KLRD1: variants seen among roughly 807,000 people sequenced by gnomAD.
KLRD1 encodes the protein natural killer cells antigen CD94.
KLRD1 carries 21 observed loss-of-function variants against 22.6 expected under a neutral mutation model. The ratio of observed to expected loss-of-function variants is 0.93; its 90% confidence interval spans 0.66 to 1.34. The LOEUF is 1.34. KLRD1 is among the 40% of genes most tolerant of loss of function. The pLI, the probability that KLRD1 is intolerant of heterozygous loss-of-function variation, is 0.00. For missense variants in KLRD1, 183 were observed against 208.6 expected (o/e 0.88, Z 0.76); for synonymous variants, 59 against 71.1 (o/e 0.83, Z 0.85).
intron 1 of KLRD1, among the ~76,000 whole-genome samples, chr12:10,282,449 G>T (rs919889780): frequency 1.4e-4 from 21 of 151,856 alleles, no homozygotes; most frequent in African/African-American, 4.1e-4. Flanking sequence ...TAGAGATGGG[G>T]TTTCTCCATG....
chr12:10,296,298 C>A (rs1949820665), intron 1 of KLRD1, among the ~76,000 whole-genome samples: 1 of 152,146 alleles, frequency 6.6e-6, no homozygotes, highest in East Asian at 1.9e-4. Flanking sequence ...GGGTGGATCA[C>A]GAGGTCTGGA....
rs186855071 is a variant in KLRD1 at position 10,316,458 on chromosome 12, A to C, written c.*1665A>C. On this transcript the variant is annotated 3_prime_UTR_variant, in exon 6 of 6. Transcript: ENST00000336164. ...ATTCCCATTGCCCAGGCTGTAGTGCAATGATGCAATCATGGTTCACTGCAG... is the reference window on the plus strand; with the variant it reads ...ATTCCCATTGCCCAGGCTGTAGTGCCATGATGCAATCATGGTTCACTGCAG... 3.9e-5 allele frequency: 6 copies of C among 152,120 alleles called. No homozygotes were observed. The East Asian group carries it at 1.2e-3, about 29-fold the overall frequency. The allele number at this position is 152,120 out of a possible 1,614,324, so 9.4% of individuals were successfully genotyped here. A position where few individuals can be genotyped will look rare whatever the true frequency, so the allele number is the denominator to read the frequency against.
intron 1 of KLRD1, among the ~76,000 whole-genome samples, chr12:10,251,516 G>T (rs555324024): frequency 6.6e-6 from 1 of 152,228 alleles, no homozygotes; most frequent in South Asian, 2.1e-4. Context: ...TTTCATGAAA[G>T]ATAATTTTTC....
At chr12:10,265,877 T>C (rs1465152596) in intron 1 of KLRD1, among the ~76,000 whole-genome samples, 1 of 152,248 alleles carries the variant, frequency 6.6e-6, no homozygotes, top group Non-Finnish European at 1.5e-5. Flanking sequence ...CTTTTTCAAT[T>C]ATTTTCTCCT....
chr12:10,271,886 C>G (rs956327027), intron 1 of KLRD1, among the ~76,000 whole-genome samples: 2 of 151,686 alleles, frequency 1.3e-5, no homozygotes, highest in African/African-American at 4.9e-5. Context: ...AGTTCCTTAT[C>G]TATAATATAC....
chr12:10,247,094 G>C (rs1392987005), intron 1 of KLRD1, among the ~76,000 whole-genome samples: 1 of 151,782 alleles, frequency 6.6e-6, no homozygotes, highest in Non-Finnish European at 1.5e-5. Context: ...TGCCACGCCT[G>C]GCTAATTTTT....
chr12:10,276,318 TG>T (rs1565456464), intron 1 of KLRD1, among the ~76,000 whole-genome samples: 2 of 152,160 alleles, frequency 1.3e-5, no homozygotes. Flanking sequence ...TTTGTTTGTT[TG>T]GATATTTAGT....
intron 1 of KLRD1, among the ~76,000 whole-genome samples, chr12:10,247,903 C>A (rs796305571): frequency 2.0e-5 from 3 of 152,328 alleles, no homozygotes; most frequent in African/African-American, 4.8e-5. Flanking sequence ...GTCAATTAAA[C>A]CTCTTTCCTT....
chr12:10,310,823 CT>C (rs1471925223), intron 3 of KLRD1, among the ~76,000 whole-genome samples: 43 of 152,172 alleles, frequency 2.8e-4, no homozygotes. Context: ...AGTGCAACAT[CT>C]TCAGCACTAC....
rs11374003 is a variant in KLRD1, at chr12:10,318,845, C to CAAAA, written c.*4070_*4073dup. 9 of 45,846 alleles carry CAAAA rather than the reference C, an allele frequency of 2.0e-4. No homozygotes were observed. Among genetic ancestry groups the CAAAA allele is most frequent in the African/African-American group, 4.2e-4 (6 of 14,272 alleles). The allele number at this position is 45,846 out of a possible 1,614,324, so 2.8% of individuals were successfully genotyped here. A position where few individuals can be genotyped will look rare whatever the true frequency, so the allele number is the denominator to read the frequency against. On this transcript the variant is annotated 3_prime_UTR_variant, in exon 6 of 6. Transcript: ENST00000336164. ...TGGGTGACAGAGGAGACTCCGTCTC[C>CAAAA]AAAAAAAAAAAAAAAAAAAAAGCTT...
At chr12:10,271,548 A>G (rs1375594614) in intron 1 of KLRD1, among the ~76,000 whole-genome samples, 1 of 152,216 alleles carries the variant, frequency 6.6e-6, no homozygotes, top group Admixed American at 6.5e-5. Context: ...AAGTGAATCT[A>G]GAGTTTTAAA....
upstream of KLRD1, among the ~76,000 whole-genome samples, chr12:10,299,623 G>A (rs1203240917): frequency 1.3e-5 from 2 of 152,140 alleles, no homozygotes; most frequent in Non-Finnish European, 2.9e-5. Context: ...TTTTTTGTTG[G>A]TGGAGGGTCT....
chr12:10,239,486 T>C lies in KLRD1; in HGVS notation c.-101+13253T>C, dbSNP rs866810477. On this transcript the variant is annotated intron_variant, in intron 1 of 5. Coordinates refer to the KLRD1 transcript ENST00000544747. The stretch of plus-strand genomic sequence containing the variant: ...CCTTCCTTCCTTCCTTCCTTCCTTC[T>C]TCCTTCCTTCCTTCCTTCCCTCCTT... 1.8e-3 allele frequency among the ~76,000 whole-genome samples: 214 copies of C among 117,942 alleles called. 9 individuals are homozygous for C. The highest frequency in any genetic ancestry group is 9.2e-3 in the East Asian group (32 of 3,466). The allele number at this position is 117,942 out of a possible 152,430, so 77.4% of individuals were successfully genotyped here.
upstream of KLRD1, among the ~76,000 whole-genome samples, chr12:10,299,628 G>A (rs558626716): frequency 6.6e-6 from 1 of 152,308 alleles, no homozygotes; most frequent in African/African-American, 2.4e-5. Flanking sequence ...TGTTGGTGGA[G>A]GGTCTTGTCT....
At chr12:10,301,919 G>A (rs142513760), upstream of KLRD1, among the ~76,000 whole-genome samples, 3 of 152,206 alleles carry the variant, frequency 2.0e-5, no homozygotes, top group African/African-American at 7.2e-5. Context: ...TTGTATCTCA[G>A]GTAATAGTTA....
At chr12:10,275,822 G>T (rs190567340) in intron 1 of KLRD1, among the ~76,000 whole-genome samples, 65 of 152,138 alleles carry the variant, frequency 4.3e-4, no homozygotes, top group African/African-American at 1.5e-3. Context: ...AAACATACAG[G>T]AAAGGACAGA....
chr12:10,313,185 C>T, intron 4 of KLRD1, among the ~76,000 whole-genome samples: 1 of 151,988 alleles, frequency 6.6e-6, no homozygotes, highest in South Asian at 2.1e-4. Flanking sequence ...TTTAATTCTT[C>T]AGGAAGTGAG....
chr12:10,258,298 T>C (rs1040416851), intron 1 of KLRD1, among the ~76,000 whole-genome samples: 3 of 152,186 alleles, frequency 2.0e-5, no homozygotes, highest in Non-Finnish European at 2.9e-5. Flanking sequence ...GCACTATCCC[T>C]ATTTTTTTAT....
At chr12:10,241,848 A>G (rs1176804910) in intron 1 of KLRD1, among the ~76,000 whole-genome samples, 2 of 152,160 alleles carry the variant, frequency 1.3e-5, no homozygotes, top group Non-Finnish European at 2.9e-5. Context: ...TTACTAAAGT[A>G]CTTTGCAAAC....
Sources: gnomAD v4.1 joint callset for allele counts (sites outside exome capture counted in the v4.1 genomes callset) on GRCh38, gnomAD v4.1.1 for gene constraint, MANE v1.5 for transcripts, NCBI Gene and HGNC (gene_info 2026-07-23, HGNC 2026-07-21) for gene names.